C1orf87: variants seen among roughly 807,000 people sequenced by gnomAD.
C1orf87 encodes uncharacterized protein C1orf87.
C1orf87 carries 58 observed loss-of-function variants against 60.5 expected under a neutral mutation model. The ratio of observed to expected loss-of-function variants is 0.96; its 90% CI spans 0.78 to 1.19. The LOEUF is 1.19. Among genes scored for constraint, C1orf87 ranks in the 50% most tolerant of loss-of-function variants. C1orf87 has a pLI of 0.00. For synonymous variants in C1orf87, 236 were observed against 227.4 expected, an observed-to-expected ratio of 1.04 and a Z score of -0.34; for missense variants, 673 against 638.6, an observed-to-expected ratio of 1.05 and a Z score of -0.58.
chr1:60,000,617 T>C (rs1361905419), intron 10 of C1orf87, among the ~76,000 whole-genome samples: 2 of 152,108 alleles, frequency 1.3e-5, no homozygotes, highest in Admixed American at 6.6e-5. Flanking sequence ...TGCCAGATTT[T>C]TTTCTTTCTT....
chr1:60,071,176 G>A (rs780495358), intron 2 of C1orf87, among the ~76,000 whole-genome samples: 37 of 152,142 alleles, frequency 2.4e-4, no homozygotes, highest in Non-Finnish European at 1.9e-4. Flanking sequence ...CAGAGAAAGA[G>A]GTTCGATTTT....
At position 60,055,268 on chromosome 1, in the gene C1orf87, TG is replaced by T. The variant is rs1327400882; in HGVS notation, c.277del (p.Gln93ArgfsTer10). On this transcript the variant is annotated frameshift_variant, in exon 3 of 12. Transcript: ENST00000371201. LOFTEE classifies it high-confidence loss of function. ...VKEKKHPENNQKSENNQKLLT... is the reference protein window; with the variant it reads ...VKEKKHPENNXKSENNQKLLT... ...TAGTTTCTGGTTGTTTTCTGATTTCTGGTTGTTCTCTGGGTGCTTTTTCTCT... is the reference window on the plus strand; with the variant it reads ...TAGTTTCTGGTTGTTTTCTGATTTCTGTTGTTCTCTGGGTGCTTTTTCTCT... The T allele has an allele frequency of 6.2e-7, 1 of 1,614,100 alleles. No individual in the cohort carries two copies. Among genetic ancestry groups the T allele is most frequent in the Non-Finnish European group, 8.5e-7 (1 of 1,180,036 alleles).
chr1:60,064,630 A>T lies in C1orf87; in HGVS notation c.107+7907T>A, dbSNP rs1336096027. On this transcript the variant is annotated intron_variant, in intron 2 of 11. Transcript: ENST00000371201. ...TATATATAAAATATATCATATATAT[A>T]AATATATATGATATATTTTATATAT... Among the ~76,000 whole-genome samples, 15 of 35,498 alleles carry T rather than the reference A, an allele frequency of 4.2e-4. No individual in the cohort carries two copies. In the East Asian group the frequency reaches 9.1e-3, roughly 21 times the overall value. The allele number at this position is 35,498 out of a possible 152,430, so 23.3% of individuals were successfully genotyped here. A position where few individuals can be genotyped will look rare whatever the true frequency, so the allele number is the denominator to read the frequency against.
intron 8 of C1orf87, among the ~76,000 whole-genome samples, chr1:60,012,421 C>A (rs1483002358): frequency 6.6e-6 from 1 of 151,930 alleles, no homozygotes; most frequent in African/African-American, 2.4e-5. Flanking sequence ...AACTATATTG[C>A]CTGATTTGAA....
intron 8 of C1orf87, among the ~76,000 whole-genome samples, chr1:60,017,572 T>C (rs2100265853): frequency 6.6e-6 from 1 of 152,332 alleles, no homozygotes; most frequent in East Asian, 1.9e-4. Flanking sequence ...ATTTTGCCAA[T>C]ACAATTTTAG....
At chr1:60,056,782 A>T (rs1050813106) in intron 2 of C1orf87, among the ~76,000 whole-genome samples, 2 of 152,206 alleles carry the variant, frequency 1.3e-5, no homozygotes, top group Non-Finnish European at 2.9e-5. Context: ...TAATCTGAAA[A>T]AATAAGTTTC....
chr1:60,056,654 G>A (rs1229011762), intron 2 of C1orf87, among the ~76,000 whole-genome samples: 3 of 152,180 alleles, frequency 2.0e-5, no homozygotes, highest in Non-Finnish European at 2.9e-5. Flanking sequence ...GAAGTTAACA[G>A]TATCTCCGGG....
At chr1:60,056,089 C>T (rs1645453621) in intron 2 of C1orf87, among the ~76,000 whole-genome samples, 1 of 151,822 alleles carries the variant, frequency 6.6e-6, no homozygotes, top group African/African-American at 2.4e-5. Context: ...ACTAAAAATA[C>T]AAAAATCAGC....
chr1:60,056,729 G>T (rs548715260), intron 2 of C1orf87, among the ~76,000 whole-genome samples: 17 of 152,230 alleles, frequency 1.1e-4, no homozygotes, highest in African/African-American at 4.1e-4. Flanking sequence ...ATACTTCATA[G>T]TATTATTGTT....
At chr1:60,013,212 A>C (rs1249843939) in intron 8 of C1orf87, among the ~76,000 whole-genome samples, 1 of 151,756 alleles carries the variant, frequency 6.6e-6, no homozygotes, top group East Asian at 1.9e-4. Flanking sequence ...TTCCGTTTTT[A>C]TTTCTTTTTC....
intron 2 of C1orf87, among the ~76,000 whole-genome samples, chr1:60,064,974 A>T (rs1225187865): frequency 2.6e-5 from 2 of 77,864 alleles, no homozygotes; most frequent in East Asian, 2.4e-4. Context: ...TAAATAAATA[A>T]ATATTTATTA....
At chr1:60,064,251 A>ATATATATATTT (rs1491344184) in intron 2 of C1orf87, among the ~76,000 whole-genome samples, 2 of 144,566 alleles carry the variant, frequency 1.4e-5, no homozygotes, top group Non-Finnish European at 1.5e-5. Context: ...TTTATATATG[A>ATATATATATTT]TATATATATT....
At chr1:60,065,931 A>AT (rs1260313873) in intron 2 of C1orf87, among the ~76,000 whole-genome samples, 3 of 151,884 alleles carry the variant, frequency 2.0e-5, no homozygotes, top group East Asian at 1.9e-4. Context: ...TGATTCACAT[A>AT]TTTTTTTTGG....
chr1:60,051,180 G>T (rs1023874480), intron 3 of C1orf87, among the ~76,000 whole-genome samples: 5 of 152,176 alleles, frequency 3.3e-5, no homozygotes, highest in African/African-American at 7.2e-5. Context: ...AGAATAGACA[G>T]AGTTGAGCTA....
chr1:60,006,313 C>T (rs1645045264), intron 9 of C1orf87, among the ~76,000 whole-genome samples: 1 of 152,124 alleles, frequency 6.6e-6, no homozygotes, highest in East Asian at 1.9e-4. Flanking sequence ...GCAGCCCTTG[C>T]TGCTGCCAGA....
chr1:60,024,757 G>A (rs1225923808), intron 8 of C1orf87, among the ~76,000 whole-genome samples: 1 of 152,074 alleles, frequency 6.6e-6, no homozygotes, highest in Non-Finnish European at 1.5e-5. Flanking sequence ...TCTTCTCCCA[G>A]GAGTCATTGT....
intron 5 of C1orf87, 73 bp downstream of exon 5, chr1:60,039,844 A>T: frequency 6.8e-7 from 1 of 1,473,200 alleles, no homozygotes; most frequent in Non-Finnish European, 9.2e-7. Flanking sequence ...CTAACTTCTT[A>T]GTCTTTTACC....
intron 9 of C1orf87, chr1:60,008,995 A>G (rs1449456562): frequency 1.6e-5 from 3 of 192,594 alleles, no homozygotes; most frequent in East Asian, 1.5e-4. Flanking sequence ...GCTGCTTTCT[A>G]CAGTTACTAA....
At chr1:60,001,219 A>C in intron 9 of C1orf87, 63 bp from the exon 10 acceptor site, 1 of 1,178,010 alleles carries the variant, frequency 8.5e-7, no homozygotes, top group Non-Finnish European at 1.2e-6. Context: ...TAACACACAC[A>C]TATACACAAG....
Sources: allele counts gnomAD v4.1 joint callset (sites outside exome capture counted in the v4.1 genomes callset), GRCh38; gene constraint gnomAD v4.1.1; transcripts MANE v1.5; gene names NCBI Gene and HGNC (gene_info 2026-07-23, HGNC 2026-07-21).